The following HS6ST2 variants were observed in gnomAD, a reference collection of about 807,000 sequenced individuals.
HS6ST2 encodes the protein heparan sulfate 6-O-sulfotransferase 2, also known as heparan-sulfate 6-O-sulfotransferase 2.
In HS6ST2, 17 loss-of-function variants were observed where a neutral mutation model predicts 33.0. That is an observed-to-expected ratio of 0.52 (90% CI 0.35 to 0.77). The LOEUF (loss-of-function observed/expected upper bound fraction) is 0.77. Among genes scored for constraint, HS6ST2 ranks in the 30% least tolerant of loss-of-function variants. HS6ST2 has a pLI of 0.01. For synonymous variants in HS6ST2, 248 were observed against 237.1 expected (o/e 1.05, Z -0.42); for missense variants, 519 against 551.7 (o/e 0.94, Z 0.59).
intron 4 of HS6ST2, among the ~76,000 whole-genome samples, chrX:132,631,700 G>A (rs749611662): frequency 9.0e-6 from 1 of 111,381 alleles, no homozygotes; most frequent in South Asian, 3.8e-4. Flanking sequence ...GGGGCTGCTC[G>A]GTGTTCTAAC....
intron 2 of HS6ST2, among the ~76,000 whole-genome samples, chrX:132,760,846 G>A (rs774404702): frequency 9.9e-5 from 11 of 111,158 alleles, no homozygotes; most frequent in African/African-American, 3.6e-4. Context: ...AAAGGAATTT[G>A]AGGCCCGGGC....
chrX:132,628,270 T>C lies in HS6ST2; in HGVS notation c.1891A>G (p.Ser631Gly), dbSNP rs1279994469. The C allele has an allele frequency of 4.3e-6, 5 of 1,165,759 alleles. No individual in the cohort carries two copies. The African/African-American group carries it at 7.2e-5, about 17-fold the overall frequency. Residue 631 changes from serine (S) to glycine (G), a missense_variant, in exon 5 of 5, where the codon AGC becomes GGC. Ser to Gly is a moderately conservative substitution (Grantham distance 56). Coordinates refer to ENST00000370833, the MANE Select transcript of HS6ST2 (RefSeq NM_001394073.1). ...CCTATGTAGTCGTTGGTGCCATTGC[T>C]GGTGTTATCATTCTGCTCCTTGCCT... is the stretch of plus-strand genomic sequence containing the variant. ...NSGKEQNDNTSNGTNDYIGSV... is the reference protein window; with the variant it reads ...NSGKEQNDNTGNGTNDYIGSV...
chrX:132,916,148 T>C (rs1232234323), intron 2 of HS6ST2, among the ~76,000 whole-genome samples: 4 of 111,532 alleles, frequency 3.6e-5, no homozygotes, highest in East Asian at 5.7e-4. Flanking sequence ...TACTGTAACA[T>C]TGTGAAGAGA....
intron 4 of HS6ST2, among the ~76,000 whole-genome samples, chrX:132,636,295 A>G (rs2063550714): frequency 8.9e-6 from 1 of 111,836 alleles, no homozygotes; most frequent in Non-Finnish European, 1.9e-5. Context: ...ACTATGAAAT[A>G]ACAGATATAC....
intron 2 of HS6ST2, among the ~76,000 whole-genome samples, chrX:132,733,375 C>T (rs761410531): frequency 9.2e-6 from 1 of 108,795 alleles, no homozygotes; most frequent in East Asian, 2.9e-4. Flanking sequence ...GATACTATTC[C>T]CCCTACCCAA....
intron 2 of HS6ST2, among the ~76,000 whole-genome samples, chrX:132,869,135 G>C (rs764614923): frequency 9.0e-6 from 1 of 111,454 alleles, no homozygotes; most frequent in Non-Finnish European, 1.9e-5. Context: ...ACTACCATCA[G>C]AGAATACTAT....
chrX:132,855,919 A>G (rs756696147), intron 2 of HS6ST2, among the ~76,000 whole-genome samples: 1 of 110,510 alleles, frequency 9.0e-6, no homozygotes, highest in South Asian at 3.9e-4. Flanking sequence ...CAATGCTCAC[A>G]GTATCCTGGA....
chrX:132,780,931 A>G (rs963474260), intron 2 of HS6ST2, among the ~76,000 whole-genome samples: 1 of 111,495 alleles, frequency 9.0e-6, no homozygotes, highest in African/African-American at 3.3e-5. Context: ...TTCTGTGCCA[A>G]GATGTTATTA....
intron 2 of HS6ST2, among the ~76,000 whole-genome samples, chrX:132,777,250 A>C (rs2064969678): frequency 9.2e-6 from 1 of 108,288 alleles, no homozygotes; most frequent in Admixed American, 1.0e-4. Context: ...TCTGAGCAGG[A>C]ACATTGGCAT....
chrX:132,703,343 A>T (rs1376630194), intron 3 of HS6ST2, among the ~76,000 whole-genome samples: 1 of 113,062 alleles, frequency 8.8e-6, no homozygotes, highest in Non-Finnish European at 1.9e-5. Context: ...CCCATGCCAA[A>T]TTTCTGAAGG....
Position 132,953,611 on chromosome X carries a change from A to G in HS6ST2, c.947+3197T>C, listed in dbSNP as rs1272689666. On this transcript the variant is annotated intron_variant, in intron 2 of 4. Transcript: ENST00000370833. ...CAGCTGAAGGCTCCTACTGAAGCTC[A>G]TCCAACCAGGCCTCAGCCCGCTCCC... Among the ~76,000 whole-genome samples the G allele has an allele frequency of 2.7e-5, 3 of 111,588 alleles. No individual in the cohort carries two copies. The East Asian group carries it at 8.4e-4, about 31-fold the overall frequency.
chrX:132,642,709 C>G (rs73558180), intron 4 of HS6ST2, among the ~76,000 whole-genome samples: 204 of 112,284 alleles, frequency 1.8e-3, no homozygotes, highest in African/African-American at 6.4e-3. Flanking sequence ...ATCCATCCCC[C>G]ATCCCACCTC....
chrX:132,929,677 T>C (rs1268000831), intron 2 of HS6ST2, among the ~76,000 whole-genome samples: 1 of 111,825 alleles, frequency 8.9e-6, no homozygotes, highest in Non-Finnish European at 1.9e-5. Context: ...CCATTCTAAA[T>C]GTGTGTGTAA....
chrX:132,917,592 C>CA (rs371446172), intron 2 of HS6ST2, among the ~76,000 whole-genome samples: 538 of 83,869 alleles, frequency 6.4e-3, no homozygotes, highest in Non-Finnish European at 9.5e-3. Context: ...GACTCCCTCT[C>CA]AAAAAAAAAA....
intron 2 of HS6ST2, among the ~76,000 whole-genome samples, chrX:132,837,035 G>A (rs2065650112): frequency 8.9e-6 from 1 of 112,133 alleles, no homozygotes; most frequent in Admixed American, 9.4e-5. Context: ...TCAGAGCAAA[G>A]AGGTTTACTT....
chrX:132,788,906 G>A (rs1209866755), intron 2 of HS6ST2, among the ~76,000 whole-genome samples: 1 of 112,896 alleles, frequency 8.9e-6, no homozygotes, highest in African/African-American at 3.2e-5. Context: ...TGCTGAGGAA[G>A]CTGCAGAACA....
At chrX:132,819,906 C>A (rs1330600644) in intron 2 of HS6ST2, among the ~76,000 whole-genome samples, 1 of 112,554 alleles carries the variant, frequency 8.9e-6, no homozygotes, top group Non-Finnish European at 1.9e-5. Flanking sequence ...GTTTTTATTT[C>A]TTTAGGCTTT....
intron 2 of HS6ST2, among the ~76,000 whole-genome samples, chrX:132,877,445 G>A (rs778324665): frequency 1.3e-4 from 15 of 111,568 alleles, no homozygotes; most frequent in Middle Eastern, 4.6e-3. Flanking sequence ...TATTTACAAA[G>A]CTTAAAATGA....
At chrX:132,644,717 A>G (rs754214539) in intron 4 of HS6ST2, among the ~76,000 whole-genome samples, 2 of 110,696 alleles carry the variant, frequency 1.8e-5, no homozygotes, top group East Asian at 5.7e-4. Flanking sequence ...CCTTGAAATC[A>G]CCCAGGATGC....
Sources: gnomAD v4.1 joint callset for allele counts (sites outside exome capture counted in the v4.1 genomes callset) on GRCh38, gnomAD v4.1.1 for gene constraint, MANE v1.5 for transcripts, NCBI Gene and HGNC (gene_info 2026-07-23, HGNC 2026-07-21) for gene names.